The following BCL9 variants were observed in gnomAD, a reference collection of about 807,000 sequenced individuals.
The protein encoded by BCL9 is B-cell CLL/lymphoma 9 protein.
A neutral mutation model predicts 88.5 loss-of-function variants in BCL9; 25 were observed. That is an observed-to-expected ratio of 0.28 (90% CI 0.21 to 0.39). BCL9 has a LOEUF of 0.39. Ranked by LOEUF, BCL9 falls within the 10% of genes least tolerant of loss-of-function variation. The probability of loss-of-function intolerance (pLI) is 1.00; values close to 1 mark genes in which losing one functional copy is unlikely to be tolerated. For synonymous variants in BCL9, 711 were observed against 673.3 expected (o/e 1.06, Z -0.87); for missense variants, 1,817 against 1,877.8 (o/e 0.97, Z 0.60).
chr1:147,624,215 C>G lies in BCL9; in HGVS notation c.3537C>G (p.Arg1179=), dbSNP rs1658812378. Residue 1179 remains arginine (R), a synonymous_variant, in exon 10 of 10, where the codon CGC becomes CGG. Coordinates refer to ENST00000234739, the MANE Select transcript of BCL9 (RefSeq NM_004326.4). The surrounding 1 kb of genome is among the most constrained non-coding windows in gnomAD (Gnocchi z 4.4). ...TCCCAGGAGAAGGCCCCCTTGGCCG[C>G]CCCAGCAACCTGCCCCAAAGTTCAG... ...MGFPGEGPLG[R]PSNLPQSSAD... 2 of 1,611,840 alleles carry G rather than the reference C, an allele frequency of 1.2e-6. No individual in the cohort carries two copies. The highest frequency in any genetic ancestry group is 1.7e-6 in the Non-Finnish European group (2 of 1,178,170).
At chr1:147,600,779 CTTG>C (rs1156355638) in intron 1 of BCL9, among the ~76,000 whole-genome samples, 1 of 26,654 alleles carries the variant, frequency 3.8e-5, no homozygotes, top group African/African-American at 1.8e-4. Context: ...AGGCCAGTGA[CTTG>C]TTGAAGGGTA....
At chr1:147,562,067 G>A (rs782262502) in intron 1 of BCL9, among the ~76,000 whole-genome samples, 10 of 152,180 alleles carry the variant, frequency 6.6e-5, no homozygotes, top group East Asian at 1.9e-4. Context: ...GGTGGCTCAC[G>A]CCTGTAATCC....
chr1:147,548,979 CTTTTTTTT>C (rs72473603), intron 1 of BCL9, among the ~76,000 whole-genome samples: 2 of 111,340 alleles, frequency 1.8e-5, no homozygotes, highest in Non-Finnish European at 3.5e-5. Flanking sequence ...TTCTTTCTTT[CTTTTTTTT>C]TTTTTTTTTG....
Position 147,601,613 on chromosome 1 carries a change from G to A in BCL9, c.-477-3164G>A, listed in dbSNP as rs587686681. 2.0e-4 allele frequency among the ~76,000 whole-genome samples: 31 copies of A among 152,328 alleles called. No homozygotes were observed. In the South Asian group the frequency reaches 6.2e-3, roughly 31 times the overall value. ...TGGGTTTAGAACCTTTGTGGAAATTGTGCAACATGATTGTCCTGTTTTGTG... is the reference window on the plus strand; with the variant it reads ...TGGGTTTAGAACCTTTGTGGAAATTATGCAACATGATTGTCCTGTTTTGTG... On this transcript the variant is annotated intron_variant, in intron 1 of 9. Coordinates refer to ENST00000234739, the MANE Select transcript of BCL9 (RefSeq NM_004326.4).
chr1:147,544,282 A>C (rs1347060003), intron 1 of BCL9, among the ~76,000 whole-genome samples: 1 of 152,162 alleles, frequency 6.6e-6, no homozygotes, highest in African/African-American at 2.4e-5. Flanking sequence ...AACTAGACAT[A>C]AGCTAACTGT....
At chr1:147,593,409 C>A (rs900188819) in intron 1 of BCL9, among the ~76,000 whole-genome samples, 2 of 152,166 alleles carry the variant, frequency 1.3e-5, no homozygotes, top group African/African-American at 2.4e-5. Flanking sequence ...CTGACTCCTA[C>A]GCATTCTTTA....
At position 147,619,962 on chromosome 1, in the gene BCL9, C is replaced by G; in HGVS notation, c.1807C>G (p.Arg603Gly). ...PDDVPKIPDG[R>G]NFPPGQGIFS... ...TGATGTGCCAAAAATCCCAGATGGT[C>G]GAAATTTTCCTCCTGGCCAGGGCAT... The change falls in exon 8 of 10, where the codon CGA becomes GGA. Residue 603 changes from arginine to glycine, a missense_variant. Coordinates refer to ENST00000234739, the MANE Select transcript of BCL9 (RefSeq NM_004326.4). This position sits in a 1 kb window ranked among gnomAD's most constrained non-coding sequence, Gnocchi z 4.1. The G allele has an allele frequency of 1.2e-6, 2 of 1,614,140 alleles. No individual in the cohort carries two copies. Among genetic ancestry groups the G allele is most frequent in the Non-Finnish European group, 1.7e-6 (2 of 1,180,024 alleles).
chr1:147,579,258 G>A (rs11240083), intron 1 of BCL9, among the ~76,000 whole-genome samples: 34,727 of 152,164 alleles, frequency 0.23, 4,298 homozygotes, highest in Admixed American at 0.32. Flanking sequence ...TTATCCAAAA[G>A]ATGGAAGGAG....
At chr1:147,564,547 T>G (rs1318478551) in intron 1 of BCL9, among the ~76,000 whole-genome samples, 2 of 152,160 alleles carry the variant, frequency 1.3e-5, no homozygotes, top group Non-Finnish European at 2.9e-5. Context: ...AGTCTCAATT[T>G]CCTCATCTGT....
chr1:147,573,058 G>A (rs1204066684), intron 1 of BCL9, among the ~76,000 whole-genome samples: 3 of 152,208 alleles, frequency 2.0e-5, no homozygotes, highest in African/African-American at 7.2e-5. Flanking sequence ...TATTAGCCTT[G>A]TCAGGGTGTT....
chr1:147,589,137 T>C (rs1203066177), intron 1 of BCL9, among the ~76,000 whole-genome samples: 1 of 152,170 alleles, frequency 6.6e-6, no homozygotes, highest in Admixed American at 6.5e-5. Flanking sequence ...GCTTTACCCT[T>C]GACATCTTCC....
intron 1 of BCL9, among the ~76,000 whole-genome samples, chr1:147,557,053 A>AG (rs1655148766): frequency 6.6e-6 from 1 of 152,226 alleles, no homozygotes; most frequent in Non-Finnish European, 1.5e-5. Context: ...AAGTTGAGCA[A>AG]GGGGGAGAGA....
intron 1 of BCL9, among the ~76,000 whole-genome samples, chr1:147,580,605 C>A (rs1271248826): frequency 6.6e-6 from 1 of 152,164 alleles, no homozygotes; most frequent in Admixed American, 6.5e-5. Flanking sequence ...TTTCTAAATC[C>A]ATTGTCCCAA....
At position 147,621,061 on chromosome 1, in the gene BCL9, A is replaced by G; in HGVS notation, c.2902+4A>G. 1 of 1,608,892 alleles carries G rather than the reference A, an allele frequency of 6.2e-7. No individual in the cohort carries two copies. The highest frequency in any genetic ancestry group is 8.5e-7 in the Non-Finnish European group (1 of 1,177,786). ...ATGCTGGGAAATGTAGAGTCAGGTC[A>G]GTATGCTTGCATCCTCACAGTTGCA... On this transcript the variant is annotated splice_donor_region_variant and intron_variant, in intron 8 of 9. Coordinates refer to ENST00000234739, the MANE Select transcript of BCL9 (RefSeq NM_004326.4).
rs782212622 is a variant in BCL9, at chr1:147,619,181, C to A, written c.1026C>A (p.Pro342=). Residue 342 remains proline, a synonymous_variant, in exon 8 of 10, where the codon CCC becomes CCA. Coordinates refer to ENST00000234739, the MANE Select transcript of BCL9 (RefSeq NM_004326.4). The surrounding 1 kb of genome is among the most constrained non-coding windows in gnomAD (Gnocchi z 4.1). ...PPPPVSSGEP[P]TLGENPDGLS... ...CACCAGTGTCCAGTGGCGAGCCCCCCACACTGGGAGAGAATCCCGATGGCC... is the reference window on the plus strand; with the variant it reads ...CACCAGTGTCCAGTGGCGAGCCCCCAACACTGGGAGAGAATCCCGATGGCC... 24 of 1,613,582 alleles carry A rather than the reference C, an allele frequency of 1.5e-5. No individual in the cohort carries two copies. Among genetic ancestry groups the A allele is most frequent in the Non-Finnish European group, 1.8e-5 (21 of 1,179,700 alleles).
rs1008965181 is a variant in BCL9, at chr1:147,544,270, G to T, written c.-478+2596G>T. ...TGCATAAGTTATTGACTCAAAGTGT[G>T]TAACTAGACATAAGCTAACTGTTCT... On this transcript the variant is annotated intron_variant, in intron 1 of 9. Coordinates refer to ENST00000234739, the MANE Select transcript of BCL9 (RefSeq NM_004326.4). Among the ~76,000 whole-genome samples the T allele has an allele frequency of 4.6e-5, 7 of 152,278 alleles. No individual in the cohort carries two copies. The South Asian group carries it at 1.5e-3, about 32-fold the overall frequency.
intron 1 of BCL9, among the ~76,000 whole-genome samples, chr1:147,589,201 G>GCTCTCAC (rs1553199623): frequency 8.5e-5 from 13 of 152,070 alleles, no homozygotes. Context: ...CCTGGCTTCA[G>GCTCTCAC]CTCTCACCTC....
At chr1:147,605,906 A>G (rs868909803) in intron 2 of BCL9, among the ~76,000 whole-genome samples, 3 of 152,214 alleles carry the variant, frequency 2.0e-5, no homozygotes, top group African/African-American at 7.2e-5. Context: ...GAGCAGGGAA[A>G]TGGGAAAGCA....
At chr1:147,612,833 G>T in intron 4 of BCL9, 50 bp from the exon 5 acceptor site, 2 of 1,562,140 alleles carry the variant, frequency 1.3e-6, no homozygotes, top group South Asian at 2.3e-5. Context: ...AATTTGTGCT[G>T]ACCAGCTGTA....
Sources: gnomAD v4.1 joint callset for allele counts (sites outside exome capture counted in the v4.1 genomes callset) on GRCh38, gnomAD v4.1.1 for gene constraint, Gnocchi (gnomAD v3.1) non-coding constraint, MANE v1.5 for transcripts, NCBI Gene and HGNC (gene_info 2026-07-23, HGNC 2026-07-21) for gene names.